The following DRC11 variants were observed in gnomAD, a reference collection of about 807,000 sequenced individuals.
DRC11 encodes dynein regulatory complex subunit 11.
chr2:236,393,658 G>A, the DRC11 span, among the ~76,000 whole-genome samples: 1 of 152,222 alleles, frequency 6.6e-6, no homozygotes, highest in African/African-American at 2.4e-5. This position sits in a 1 kb window ranked among gnomAD's most constrained non-coding sequence, Gnocchi z 4.7. Flanking sequence ...GGATGGACAA[G>A]GAAAGGGGCA....
the DRC11 span, among the ~76,000 whole-genome samples, chr2:236,480,509 T>G: frequency 6.6e-6 from 1 of 152,232 alleles, no homozygotes; most frequent in African/African-American, 2.4e-5. Context: ...ATTTTGCTGT[T>G]AAGAACCTCT....
the DRC11 span, among the ~76,000 whole-genome samples, chr2:236,307,993 G>A: frequency 6.6e-6 from 1 of 151,616 alleles, no homozygotes; most frequent in Non-Finnish European, 1.5e-5. The surrounding 1 kb of genome is among the most constrained non-coding windows in gnomAD (Gnocchi z 7.0). Flanking sequence ...GTCCTCGTGT[G>A]CTTGCAGTGA....
the DRC11 span, among the ~76,000 whole-genome samples, chr2:236,487,056 T>C: frequency 0.032 from 4,805 of 152,266 alleles, 238 homozygotes; most frequent in East Asian, 0.18. Flanking sequence ...TTTTCTTCTG[T>C]GATCACAGGC....
the DRC11 span, among the ~76,000 whole-genome samples, chr2:236,460,915 A>C: frequency 6.6e-6 from 1 of 151,950 alleles, no homozygotes; most frequent in Non-Finnish European, 1.5e-5. This position sits in a 1 kb window ranked among gnomAD's most constrained non-coding sequence, Gnocchi z 4.0. Context: ...CCACCATGTC[A>C]AGCTAATTTT....
At chr2:236,464,972 T>G in the DRC11 span, among the ~76,000 whole-genome samples, 1 of 152,230 alleles carries the variant, frequency 6.6e-6, no homozygotes, top group Non-Finnish European at 1.5e-5. Context: ...CCTGTAAAGC[T>G]TGTAGAGCCT....
chr2:236,343,811 C>A, the DRC11 span: 227,358 of 1,182,400 alleles, frequency 0.19, 23,359 homozygotes, highest in Non-Finnish European at 0.21. This position sits in a 1 kb window ranked among gnomAD's most constrained non-coding sequence, Gnocchi z 6.6. Context: ...TGAAGACTTT[C>A]TGAAATGACA....
chr2:236,402,744 C>A, the DRC11 span, among the ~76,000 whole-genome samples: 1 of 152,176 alleles, frequency 6.6e-6, no homozygotes, highest in Non-Finnish European at 1.5e-5. This position sits in a 1 kb window ranked among gnomAD's most constrained non-coding sequence, Gnocchi z 6.0. Context: ...CGACACAAGG[C>A]TTGGGTTAGC....
the DRC11 span, among the ~76,000 whole-genome samples, chr2:236,462,615 G>A: frequency 6.6e-6 from 1 of 152,130 alleles, no homozygotes; most frequent in Non-Finnish European, 1.5e-5. The surrounding 1 kb of genome is among the most constrained non-coding windows in gnomAD (Gnocchi z 6.4). Flanking sequence ...AGGTTGCAGT[G>A]AGCCGAGATC....
the DRC11 span, among the ~76,000 whole-genome samples, chr2:236,486,543 G>T: frequency 6.6e-6 from 1 of 151,168 alleles, no homozygotes. The surrounding 1 kb of genome is among the most constrained non-coding windows in gnomAD (Gnocchi z 5.7). Flanking sequence ...TCCTAATATA[G>T]TGGTGTGCAC....
chr2:236,353,211 T>A, the DRC11 span, among the ~76,000 whole-genome samples: 29 of 152,372 alleles, frequency 1.9e-4, no homozygotes, highest in African/African-American at 6.7e-4. This position sits in a 1 kb window ranked among gnomAD's most constrained non-coding sequence, Gnocchi z 5.0. Flanking sequence ...TCCAGAGTTC[T>A]GTCGGGTAGT....
chr2:236,348,622 T>C, the DRC11 span, among the ~76,000 whole-genome samples: 3 of 152,092 alleles, frequency 2.0e-5, no homozygotes, highest in Non-Finnish European at 4.4e-5. The surrounding 1 kb of genome is among the most constrained non-coding windows in gnomAD (Gnocchi z 7.4). Flanking sequence ...TGCTTCTCAC[T>C]GGGATCACTA....
chr2:236,354,614 G>A, the DRC11 span, among the ~76,000 whole-genome samples: 2 of 152,050 alleles, frequency 1.3e-5, no homozygotes, highest in African/African-American at 4.8e-5. Context: ...TACCTCCATC[G>A]CCCCCACCCC....
the DRC11 span, chr2:236,368,035 G>A: frequency 1.5e-6 from 1 of 662,398 alleles, no homozygotes; most frequent in Non-Finnish European, 2.8e-6. Context: ...GTGTGCTGGT[G>A]GGTGCACTAT....
the DRC11 span, among the ~76,000 whole-genome samples, chr2:236,491,271 T>TATATAC: frequency 1.5e-3 from 98 of 67,326 alleles, 2 homozygotes; most frequent in African/African-American, 5.9e-3. Flanking sequence ...TATATATATA[T>TATATAC]ACACACAGTA....
At chr2:236,422,556 A>G in the DRC11 span, among the ~76,000 whole-genome samples, 2 of 152,240 alleles carry the variant, frequency 1.3e-5, no homozygotes, top group African/African-American at 4.8e-5. Flanking sequence ...AAAAGAGAAT[A>G]CAAACAAATG....
the DRC11 span, among the ~76,000 whole-genome samples, chr2:236,370,270 A>T: frequency 6.6e-6 from 1 of 152,236 alleles, no homozygotes; most frequent in Admixed American, 6.5e-5. This position sits in a 1 kb window ranked among gnomAD's most constrained non-coding sequence, Gnocchi z 5.5. Flanking sequence ...GTGCAGGTGC[A>T]GCCTGGGGTG....
chr2:236,356,109 C>A, the DRC11 span, among the ~76,000 whole-genome samples: 1 of 152,112 alleles, frequency 6.6e-6, no homozygotes, highest in African/African-American at 2.4e-5. Context: ...CTCCCAGGTC[C>A]TCACTCTAAC....
the DRC11 span, among the ~76,000 whole-genome samples, chr2:236,446,081 CTT>C: frequency 6.6e-6 from 1 of 152,166 alleles, no homozygotes; most frequent in Admixed American, 6.5e-5. The surrounding 1 kb of genome is among the most constrained non-coding windows in gnomAD (Gnocchi z 6.2). Context: ...ATTCCTGAGA[CTT>C]TACCACCTTG....
At chr2:236,491,158 AGT>A in the DRC11 span, among the ~76,000 whole-genome samples, 1 of 79,590 alleles carries the variant, frequency 1.3e-5, no homozygotes, top group Non-Finnish European at 2.3e-5. Context: ...ATATACACAC[AGT>A]ATATATATAT....
Sources: allele counts gnomAD v4.1 joint callset (sites outside exome capture counted in the v4.1 genomes callset), GRCh38; gene constraint gnomAD v4.1.1; non-coding constraint Gnocchi (gnomAD v3.1); transcripts MANE v1.5; gene names NCBI Gene and HGNC (gene_info 2026-07-23, HGNC 2026-07-21).